DRICH1: variants seen among roughly 807,000 people sequenced by gnomAD.
The protein encoded by DRICH1 is aspartate rich 1.
A neutral mutation model predicts 39.5 loss-of-function variants in DRICH1; 38 were observed. The ratio of observed to expected loss-of-function variants is 0.96; its 90% CI spans 0.74 to 1.26. The LOEUF (loss-of-function observed/expected upper bound fraction) is 1.26, where lower values mean the gene tolerates loss of function less well. Among genes scored for constraint, DRICH1 ranks in the 50% most tolerant of loss-of-function variants. The pLI is 0.00. For missense variants in DRICH1, 279 were observed against 270.4 expected, an observed-to-expected ratio of 1.03 and a Z score of -0.22; for synonymous variants, 84 against 99.5, an observed-to-expected ratio of 0.84 and a Z score of 0.93.
intron 1 of DRICH1, among the ~76,000 whole-genome samples, chr22:23,629,334 C>T (rs1928257597): frequency 6.6e-6 from 1 of 152,130 alleles, no homozygotes; most frequent in African/African-American, 2.4e-5. Flanking sequence ...CCACCGCACC[C>T]TGCCCATGTC....
At chr22:23,586,071 GT>G in the DRICH1 span, among the ~76,000 whole-genome samples, 2 of 152,040 alleles carry the variant, frequency 1.3e-5, no homozygotes, top group Non-Finnish European at 2.9e-5. Context: ...ATTTATTTTT[GT>G]TTTTTAGGGT....
chr22:23,619,592 T>C (rs143536813), intron 5 of DRICH1, among the ~76,000 whole-genome samples, 199 bp from the exon 6 acceptor site: 3,921 of 152,290 alleles, frequency 0.026, 160 homozygotes, highest in African/African-American at 0.089. Flanking sequence ...CAGAATTAAA[T>C]GCACACATAC....
At chr22:23,614,717 T>C (rs1454213008) in intron 8 of DRICH1, among the ~76,000 whole-genome samples, 3 of 152,228 alleles carry the variant, frequency 2.0e-5, no homozygotes, top group Non-Finnish European at 4.4e-5. Flanking sequence ...ATAGAGATCA[T>C]TTTAAAAATT....
chr22:23,585,460 AAT>A, the DRICH1 span, among the ~76,000 whole-genome samples: 1 of 152,190 alleles, frequency 6.6e-6, no homozygotes, highest in East Asian at 1.9e-4. Flanking sequence ...TTAATTTCCA[AAT>A]ATATGAGGAG....
At chr22:23,594,330 A>G in the DRICH1 span, among the ~76,000 whole-genome samples, 1 of 152,214 alleles carries the variant, frequency 6.6e-6, no homozygotes, top group African/African-American at 2.4e-5. Flanking sequence ...GCACTTTGGG[A>G]GACCAAGGGA....
chr22:23,619,264 T>TA (rs1398738772), intron 6 of DRICH1, 100 bp downstream of exon 6: 1 of 712,676 alleles, frequency 1.4e-6, no homozygotes, highest in Non-Finnish European at 2.6e-6. Flanking sequence ...TTTCTAAAAG[T>TA]AAAAAACATA....
chr22:23,631,343 G>A (rs1928371381), intron 1 of DRICH1, among the ~76,000 whole-genome samples: 1 of 151,906 alleles, frequency 6.6e-6, no homozygotes, highest in Non-Finnish European at 1.5e-5. Flanking sequence ...TTGAACCCAG[G>A]AGGCAGAGGT....
chr22:23,611,957 G>A (rs1262470191), intron 11 of DRICH1, among the ~76,000 whole-genome samples: 4 of 152,154 alleles, frequency 2.6e-5, no homozygotes, highest in Non-Finnish European at 5.9e-5. Context: ...AAAACTAAGA[G>A]TCCGTGAGGA....
At chr22:23,609,712 C>T (rs896202834) in intron 11 of DRICH1, among the ~76,000 whole-genome samples, 8 of 152,202 alleles carry the variant, frequency 5.3e-5, no homozygotes, top group African/African-American at 1.9e-4. Flanking sequence ...TCACCGCTCT[C>T]TGCCTCAGAT....
At chr22:23,625,394 C>T (rs1471152616) in intron 2 of DRICH1, among the ~76,000 whole-genome samples, 1 of 151,348 alleles carries the variant, frequency 6.6e-6, no homozygotes, top group African/African-American at 2.5e-5. Context: ...CTGTCTTGAA[C>T]CAGTGTAGGT....
At chr22:23,599,079 A>G in the DRICH1 span, among the ~76,000 whole-genome samples, 1 of 152,182 alleles carries the variant, frequency 6.6e-6, no homozygotes. Flanking sequence ...CACGTGTCCC[A>G]TATTTTATAA....
chr22:23,613,311 TAG>T lies in DRICH1; in HGVS notation c.661_662del (p.Leu221LysfsTer2). 6.2e-7 allele frequency: 1 copy of T among 1,613,642 alleles called. No individual in the cohort carries two copies. Among genetic ancestry groups the T allele is most frequent in the Non-Finnish European group, 8.5e-7 (1 of 1,179,668 alleles). On this transcript the variant is annotated frameshift_variant, in exon 11 of 12. Transcript: ENST00000317749. LOFTEE classifies it low-confidence loss of function (END_TRUNC). Reference protein sequence around the residue: ...RIESDLTLESLSDEEIHPG With the variant: ...RIESDLTLESXSDEEIHPG ...TACCTGGATGAATCTCTTCATCACT[TAG>T]ACTCTCCAGCGTCAAGTCTTTAGAA...
chr22:23,582,884 C>T, the DRICH1 span, among the ~76,000 whole-genome samples: 1 of 152,144 alleles, frequency 6.6e-6, no homozygotes, highest in Non-Finnish European at 1.5e-5. Flanking sequence ...TTATTATTAC[C>T]AGCTGACCCA....
At chr22:23,605,303 C>G (rs1926667018), downstream of DRICH1, among the ~76,000 whole-genome samples, 1 of 152,160 alleles carries the variant, frequency 6.6e-6, no homozygotes. Flanking sequence ...GTCCCCCCAA[C>G]AGGTCCTCCC....
chr22:23,608,793 T>C lies in DRICH1; in HGVS notation c.686-25A>G, dbSNP rs762024226. On this transcript the variant is annotated intron_variant, in intron 11 of 11. Transcript: ENST00000317749. ...CCTGGATGAAGAGATAATCCCTTTT[T>C]AGTGAGAGCAGGCTCCCAGCTTTGT... 2.4e-5 allele frequency: 37 copies of C among 1,557,182 alleles called. No homozygotes were observed. In the South Asian group the frequency reaches 4.3e-4, roughly 18 times the overall value.
Position 23,616,840 on chromosome 22 carries a change from T to C in DRICH1, c.541+13A>G. On this transcript the variant is annotated intron_variant, in intron 8 of 11. Coordinates refer to ENST00000317749, the MANE Select transcript of DRICH1 (RefSeq NM_016449.4). ...TTTGTTTCTCAGAAAGTGAGTTAGTTCAAGGTACATACCCTGGACAGGTGA... is the reference window on the plus strand; with the variant it reads ...TTTGTTTCTCAGAAAGTGAGTTAGTCCAAGGTACATACCCTGGACAGGTGA... 6.2e-7 allele frequency: 1 copy of C among 1,613,984 alleles called. No individual in the cohort carries two copies. The highest frequency in any genetic ancestry group is 1.1e-5 in the South Asian group (1 of 91,084).
the DRICH1 span, among the ~76,000 whole-genome samples, chr22:23,585,215 G>A: frequency 6.6e-6 from 1 of 152,110 alleles, no homozygotes. Flanking sequence ...AGGGCTGACT[G>A]CAGCCTCCAA....
chr22:23,631,884 C>T lies in DRICH1; in HGVS notation c.140G>A (p.Gly47Asp), dbSNP rs371253696. The T allele has an allele frequency of 9.4e-5, 152 of 1,613,030 alleles. No homozygotes were observed. The highest frequency in any genetic ancestry group is 1.3e-4 in the Non-Finnish European group (148 of 1,180,036). ...CTCCGTGGCTCCCACATCCAGCTTG[C>T]CAGGCTCTACAGTAGTGGATTCTGA... is the stretch of plus-strand genomic sequence containing the variant. Reference protein sequence around the residue: ...ATSESTTVEPGKLDVGATEGQ... With the variant: ...ATSESTTVEPDKLDVGATEGQ... Residue 47 changes from glycine (G) to aspartate (D), a missense_variant, in exon 1 of 12, where the codon GGC becomes GAC. Gly to Asp is a moderately conservative substitution (Grantham distance 94, BLOSUM62 -1). Coordinates refer to ENST00000317749, the MANE Select transcript of DRICH1 (RefSeq NM_016449.4).
the DRICH1 span, chr22:23,580,934 TCA>T: frequency 6.6e-6 from 1 of 152,362 alleles, no homozygotes; most frequent in East Asian, 1.9e-4. Context: ...TGACCTCACA[TCA>T]CACAGACACA....
Sources: gnomAD v4.1 joint callset for allele counts (sites outside exome capture counted in the v4.1 genomes callset) on GRCh38, gnomAD v4.1.1 for gene constraint, MANE v1.5 for transcripts, NCBI Gene and HGNC (gene_info 2026-07-23, HGNC 2026-07-21) for gene names.